The following PRMT3 variants were observed in gnomAD, a reference collection of about 807,000 sequenced individuals.
PRMT3 encodes protein arginine methyltransferase 3.
A neutral mutation model predicts 71.9 loss-of-function variants in PRMT3; 62 were observed. That is an observed-to-expected ratio of 0.86 (90% confidence interval 0.70 to 1.07). The LOEUF (loss-of-function observed/expected upper bound fraction) is 1.07. Ranked by LOEUF, PRMT3 falls within the 50% of genes least tolerant of loss-of-function variation. The probability of loss-of-function intolerance (pLI) is 0.00; values close to 1 mark genes in which losing one functional copy is unlikely to be tolerated. For missense variants in PRMT3, 663 were observed against 643.0 expected, an observed-to-expected ratio of 1.03 and a Z score of -0.34; for synonymous variants, 213 against 220.4, an observed-to-expected ratio of 0.97 and a Z score of 0.30.
At chr11:20,389,017 A>G (rs550387149) in intron 2 of PRMT3, among the ~76,000 whole-genome samples, 5 of 152,196 alleles carry the variant, frequency 3.3e-5, no homozygotes, top group African/African-American at 1.2e-4. Flanking sequence ...TCTAGTTGTC[A>G]TAAAATATTT....
intron 13 of PRMT3, among the ~76,000 whole-genome samples, chr11:20,482,182 T>C (rs1850953234): frequency 6.6e-6 from 1 of 152,088 alleles, no homozygotes; most frequent in South Asian, 2.1e-4. Context: ...ATAATGCTTC[T>C]GAATTTCTGT....
In PRMT3 at chr11:20,500,586, C is replaced by T. The variant is rs143857745; in HGVS notation, c.1486+6332C>T. Among the ~76,000 whole-genome samples, 909 of 152,230 alleles carry T rather than the reference C, an allele frequency of 6.0e-3. 4 individuals carry two copies. Among genetic ancestry groups the T allele is most frequent in the African/African-American group, 0.021 (872 of 41,536 alleles). ...AACAAATAATCCAGAAATAGACCTG[C>T]TCTTGTATAATTAAATTTTTACAAA... On this transcript the variant is annotated intron_variant, in intron 15 of 15. Coordinates refer to ENST00000331079, the MANE Select transcript of PRMT3 (RefSeq NM_005788.4).
chr11:20,467,834 C>T (rs1042104344), intron 13 of PRMT3, among the ~76,000 whole-genome samples: 3 of 152,134 alleles, frequency 2.0e-5, no homozygotes, highest in Non-Finnish European at 4.4e-5. Context: ...ATGTTGTGGC[C>T]TAATGCTTCT....
chr11:20,435,111 C>A (rs370705460), intron 10 of PRMT3, among the ~76,000 whole-genome samples: 7 of 152,144 alleles, frequency 4.6e-5, no homozygotes, highest in African/African-American at 7.2e-5. Flanking sequence ...TCCACAAAAT[C>A]TTTGCCCAGA....
At chr11:20,497,972 G>A (rs929048264) in intron 15 of PRMT3, among the ~76,000 whole-genome samples, 2 of 152,154 alleles carry the variant, frequency 1.3e-5, no homozygotes, top group African/African-American at 4.8e-5. Flanking sequence ...TAGCAGACAA[G>A]CATGTTGAAA....
chr11:20,426,096 A>T (rs1187024463), intron 9 of PRMT3, among the ~76,000 whole-genome samples: 1 of 152,240 alleles, frequency 6.6e-6, no homozygotes, highest in Non-Finnish European at 1.5e-5. Context: ...AGTGTATAAG[A>T]ACATCTAATG....
At chr11:20,427,598 A>G (rs1237352869) in intron 10 of PRMT3, among the ~76,000 whole-genome samples, 1 of 151,956 alleles carries the variant, frequency 6.6e-6, no homozygotes, top group African/African-American at 2.4e-5. Flanking sequence ...AGTGGCAGGC[A>G]CCTGTAATCC....
At chr11:20,471,754 TA>T (rs1850649921) in intron 13 of PRMT3, among the ~76,000 whole-genome samples, 2 of 152,216 alleles carry the variant, frequency 1.3e-5, no homozygotes, top group Admixed American at 1.3e-4. Context: ...AATGGTAGTT[TA>T]ATGGGAATAG....
At chr11:20,435,698 A>AT (rs1849746769) in intron 10 of PRMT3, among the ~76,000 whole-genome samples, 1 of 152,114 alleles carries the variant, frequency 6.6e-6, no homozygotes, top group African/African-American at 2.4e-5. Context: ...ATTTTGGTCT[A>AT]TGTGTCTGCT....
chr11:20,475,653 T>TG (rs1850763664), intron 13 of PRMT3, among the ~76,000 whole-genome samples: 6 of 2,734 alleles, frequency 2.2e-3, no homozygotes. Flanking sequence ...ACTTAATGTC[T>TG]TTTTTTTTTT....
intron 13 of PRMT3, among the ~76,000 whole-genome samples, chr11:20,483,188 TAGTTTTAATATTTTTC>T (rs1850983903): frequency 6.6e-6 from 1 of 152,114 alleles, no homozygotes; most frequent in Non-Finnish European, 1.5e-5. Context: ...ACACAAAAAT[TAGTTTTAATATTTTTC>T]AGTTTTAAAC....
chr11:20,483,469 G>A (rs1590100726), intron 13 of PRMT3, among the ~76,000 whole-genome samples: 6 of 151,206 alleles, frequency 4.0e-5, no homozygotes, highest in Admixed American at 4.0e-4. Flanking sequence ...TCAAGCAGTG[G>A]AAAACCGATG....
intron 8 of PRMT3, among the ~76,000 whole-genome samples, chr11:20,403,295 C>G (rs1388775471): frequency 6.6e-6 from 1 of 151,990 alleles, no homozygotes. Flanking sequence ...TACAGTTATT[C>G]CCATGAATTT....
intron 13 of PRMT3, among the ~76,000 whole-genome samples, chr11:20,479,577 T>C (rs1166872461): frequency 6.6e-6 from 1 of 152,178 alleles, no homozygotes; most frequent in East Asian, 1.9e-4. Flanking sequence ...TGACATAATA[T>C]AGGGTACTTG....
intron 9 of PRMT3, among the ~76,000 whole-genome samples, chr11:20,426,526 A>T (rs1443798530): frequency 6.6e-6 from 1 of 152,114 alleles, no homozygotes; most frequent in Admixed American, 6.5e-5. Flanking sequence ...TAAAATTTGG[A>T]TTTCTTTTCA....
chr11:20,484,807 A>G (rs1009441572), intron 13 of PRMT3, among the ~76,000 whole-genome samples: 10 of 152,208 alleles, frequency 6.6e-5, no homozygotes, highest in African/African-American at 2.4e-4. Context: ...AAAATGGAGA[A>G]ACCCTTTTGC....
Position 20,387,953 on chromosome 11 carries a change from T to C in PRMT3, c.29-66T>C. ...GGGCGGAGGAGAGCCCATCGTCACC[T>C]GCTCCTCGAGCCCCCGGGCCGCACC... is the stretch of plus-strand genomic sequence containing the variant. On this transcript the variant is annotated intron_variant, in intron 1 of 15. Transcript: ENST00000331079. This position sits in a 1 kb window ranked among gnomAD's most constrained non-coding sequence, Gnocchi z 4.3. 6.2e-7 allele frequency: 1 copy of C among 1,607,662 alleles called. No homozygotes were observed. The highest frequency in any genetic ancestry group is 2.2e-5 in the East Asian group (1 of 44,692).
intron 13 of PRMT3, among the ~76,000 whole-genome samples, chr11:20,470,852 C>A (rs1336572823): frequency 6.6e-6 from 1 of 152,156 alleles, no homozygotes; most frequent in Admixed American, 6.5e-5. Flanking sequence ...ATTTACATTT[C>A]CACCAACCAT....
chr11:20,389,936 T>C, intron 3 of PRMT3, 110 bp downstream of exon 3: 1 of 767,486 alleles, frequency 1.3e-6, no homozygotes, highest in South Asian at 1.7e-5. Context: ...TGGATCACTT[T>C]AGGTCGGGAG....
Sources: allele counts gnomAD v4.1 joint callset (sites outside exome capture counted in the v4.1 genomes callset), GRCh38; gene constraint gnomAD v4.1.1; non-coding constraint Gnocchi (gnomAD v3.1); transcripts MANE v1.5; gene names NCBI Gene and HGNC (gene_info 2026-07-23, HGNC 2026-07-21).